The following SEL1L2 variants were observed in gnomAD, a reference collection of about 807,000 sequenced individuals.
SEL1L2 encodes the protein protein sel-1 homolog 2.
SEL1L2 carries 89 observed loss-of-function variants against 98.8 expected under a neutral mutation model. The observed-to-expected ratio is 0.90, with a 90% confidence interval of 0.76 to 1.07. The LOEUF (loss-of-function observed/expected upper bound fraction) is 1.07. SEL1L2 is among the 50% of genes least tolerant of loss of function. The probability of loss-of-function intolerance (pLI) is 0.00; values close to 1 mark genes in which losing one functional copy is unlikely to be tolerated. For synonymous variants in SEL1L2, 262 were observed against 278.5 expected (o/e 0.94, Z 0.59); for missense variants, 788 against 812.0 (o/e 0.97, Z 0.36).
At chr20:13,957,991 G>T (rs6135031) in intron 1 of SEL1L2, among the ~76,000 whole-genome samples, 1 of 152,028 alleles carries the variant, frequency 6.6e-6, no homozygotes, top group East Asian at 1.9e-4. Flanking sequence ...TTGTTCCTTA[G>T]GTTCAAGATA....
At chr20:13,977,666 T>A (rs1326313512) in intron 1 of SEL1L2, among the ~76,000 whole-genome samples, 1 of 152,154 alleles carries the variant, frequency 6.6e-6, no homozygotes, top group Non-Finnish European at 1.5e-5. Context: ...GAGATAAAGC[T>A]GATGCATGAG....
chr20:13,884,431 A>G (rs1428632798), intron 10 of SEL1L2, among the ~76,000 whole-genome samples: 2 of 152,222 alleles, frequency 1.3e-5, no homozygotes, highest in African/African-American at 4.8e-5. Flanking sequence ...GATCCTGTGT[A>G]TGTCAAGGTG....
intron 1 of SEL1L2, among the ~76,000 whole-genome samples, chr20:13,990,024 A>T (rs2052463157): frequency 1.3e-5 from 2 of 152,266 alleles, no homozygotes; most frequent in Admixed American, 1.3e-4. Flanking sequence ...GTAACTATTT[A>T]GGAAACATTG....
chr20:13,869,517 C>G lies in SEL1L2; in HGVS notation c.1241G>C (p.Gly414Ala). 1 of 1,613,688 alleles carries G rather than the reference C, an allele frequency of 6.2e-7. No individual in the cohort carries two copies. The highest frequency in any genetic ancestry group is 8.5e-7 in the Non-Finnish European group (1 of 1,179,626). ...KGWPDAQFQL[G>A]FMYYSGSGIW... The stretch of plus-strand genomic sequence containing the variant: ...GTGGCACTTACAGTAGTACATGAAG[C>G]CTAACTGGAACTGTGCGTCGGGCCA... The change falls in exon 14 of 20, where the codon GGC (glycine) becomes GCC (alanine). Residue 414 changes from glycine (G) to alanine (A), a missense_variant. Gly to Ala is a moderately conservative substitution (Grantham distance 60). Coordinates refer to ENST00000284951, the MANE Select transcript of SEL1L2 (RefSeq NM_025229.2).
chr20:13,991,500 T>C (rs564679158), upstream of SEL1L2, among the ~76,000 whole-genome samples: 1 of 152,328 alleles, frequency 6.6e-6, no homozygotes, highest in East Asian at 1.9e-4. Context: ...CAGGGAAGAA[T>C]CCATTCTTGG....
At chr20:13,890,619 C>A (rs2047165065) in intron 5 of SEL1L2, among the ~76,000 whole-genome samples, 1 of 151,980 alleles carries the variant, frequency 6.6e-6, no homozygotes, top group Admixed American at 6.6e-5. Context: ...CAACAAGGCA[C>A]ACCAGGAAAC....
At chr20:13,874,173 G>T (rs749415040) in intron 12 of SEL1L2, among the ~76,000 whole-genome samples, 9 of 152,124 alleles carry the variant, frequency 5.9e-5, no homozygotes, top group Non-Finnish European at 8.8e-5. Context: ...GGTCCAACAT[G>T]GGCACAACGT....
At chr20:13,885,105 C>T (rs2046889086) in intron 10 of SEL1L2, among the ~76,000 whole-genome samples, 1 of 152,086 alleles carries the variant, frequency 6.6e-6, no homozygotes, top group South Asian at 2.1e-4. Context: ...ATGGATACCC[C>T]CCTGCCTCGA....
intron 14 of SEL1L2, among the ~76,000 whole-genome samples, chr20:13,868,277 T>C (rs1283723668): frequency 6.6e-6 from 1 of 152,040 alleles, no homozygotes; most frequent in Non-Finnish European, 1.5e-5. Context: ...ATCCTGTCTA[T>C]CTATCACGGT....
intron 19 of SEL1L2, 25 bp downstream of exon 19, chr20:13,850,166 C>T (rs1231014374): frequency 1.9e-6 from 3 of 1,612,898 alleles, no homozygotes; most frequent in Non-Finnish European, 2.5e-6. Context: ...TTCAGAGATT[C>T]AGGACCTGTT....
intron 10 of SEL1L2, 115 bp from the exon 11 acceptor site, chr20:13,877,703 T>C (rs2046500613): frequency 9.1e-6 from 7 of 767,534 alleles, no homozygotes; most frequent in South Asian, 3.3e-5. Context: ...TGCTTGCCAC[T>C]GAGCTTAAAA....
At chr20:13,896,773 TAAG>T (rs1415131814) in intron 5 of SEL1L2, among the ~76,000 whole-genome samples, 2 of 152,146 alleles carry the variant, frequency 1.3e-5, no homozygotes, top group African/African-American at 2.4e-5. Flanking sequence ...TACAAATCAA[TAAG>T]AAGACAGCTG....
chr20:13,970,489 T>C (rs1233549927), intron 1 of SEL1L2, among the ~76,000 whole-genome samples: 1 of 152,142 alleles, frequency 6.6e-6, no homozygotes. Flanking sequence ...AAATTGGCAT[T>C]CCAAAAAGCT....
chr20:13,905,973 C>G (rs973945706), intron 5 of SEL1L2, among the ~76,000 whole-genome samples: 1 of 149,386 alleles, frequency 6.7e-6, no homozygotes, highest in Non-Finnish European at 1.5e-5. Flanking sequence ...CTCCCAGGTT[C>G]AAGCGATTCT....
intron 10 of SEL1L2, among the ~76,000 whole-genome samples, chr20:13,880,155 T>C (rs1439152763): frequency 6.6e-6 from 1 of 152,268 alleles, no homozygotes; most frequent in Non-Finnish European, 1.5e-5. Flanking sequence ...ACTTTAATCT[T>C]TATAGGCTCT....
chr20:13,969,112 T>C (rs1187060422), intron 1 of SEL1L2, among the ~76,000 whole-genome samples: 4 of 152,124 alleles, frequency 2.6e-5, no homozygotes, highest in Non-Finnish European at 5.9e-5. Context: ...CCACTTAGGG[T>C]TGTGATGAAG....
chr20:13,913,754 T>C (rs201167431), intron 5 of SEL1L2, 28 bp downstream of exon 5: 358 of 1,497,356 alleles, frequency 2.4e-4, no homozygotes, highest in Non-Finnish European at 3.0e-4. Flanking sequence ...TGGAGCTATT[T>C]AAGGTTTCAT....
intron 2 of SEL1L2, among the ~76,000 whole-genome samples, chr20:13,953,403 A>C (rs2144840): frequency 0.97 from 147,460 of 152,296 alleles, 71,478 homozygotes; most frequent in East Asian, 1. Context: ...GGGAGCTCCA[A>C]TGCCATTCCC....
intron 3 of SEL1L2, among the ~76,000 whole-genome samples, chr20:13,922,970 T>G (rs901627335): frequency 6.6e-6 from 1 of 152,162 alleles, no homozygotes; most frequent in East Asian, 1.9e-4. Flanking sequence ...TGGATGGCAC[T>G]AGAGGGTTAC....
Sources: gnomAD v4.1 joint callset for allele counts (sites outside exome capture counted in the v4.1 genomes callset) on GRCh38, gnomAD v4.1.1 for gene constraint, MANE v1.5 for transcripts, NCBI Gene and HGNC (gene_info 2026-07-23, HGNC 2026-07-21) for gene names.